The following MDGA1 variants were observed in gnomAD, a reference collection of about 807,000 sequenced individuals.
The protein encoded by MDGA1 is MAM domain-containing glycosylphosphatidylinositol anchor protein 1.
In MDGA1, 54 loss-of-function variants were observed where a neutral mutation model predicts 101.5. That is an observed-to-expected ratio of 0.53 (90% CI 0.43 to 0.67). The LOEUF (loss-of-function observed/expected upper bound fraction) is 0.67, where lower values mean the gene tolerates loss of function less well. MDGA1 is among the 30% of genes least tolerant of loss of function. MDGA1 has a pLI of 0.00. For synonymous variants in MDGA1, 533 were observed against 558.3 expected (o/e 0.95, Z 0.64); for missense variants, 1,083 against 1,323.8 (o/e 0.82, Z 2.82).
At position 37,654,766 on chromosome 6, in the gene MDGA1, T is replaced by C. The variant is rs763168948; in HGVS notation, c.712+34A>G. The C allele has an allele frequency of 4.3e-6, 7 of 1,612,198 alleles. No homozygotes were observed. The South Asian group carries it at 7.7e-5, about 18-fold the overall frequency. ...TCTCCTGGTTGGGAGTTAGCTCAGG[T>C]AGGGAAGGAGTATGGGGAGGAAAAT... is the stretch of plus-strand genomic sequence containing the variant. On this transcript the variant is annotated intron_variant, in intron 5 of 16. Coordinates refer to ENST00000434837, the MANE Select transcript of MDGA1 (RefSeq NM_153487.4).
intron 2 of MDGA1, among the ~76,000 whole-genome samples, chr6:37,663,560 G>C (rs986770142): frequency 1.3e-5 from 2 of 152,206 alleles, no homozygotes; most frequent in African/African-American, 4.8e-5. Context: ...AGCTGCAAAA[G>C]GGGGTCACTA....
intron 1 of MDGA1, among the ~76,000 whole-genome samples, chr6:37,686,813 G>A (rs1762207442): frequency 6.6e-6 from 1 of 152,214 alleles, no homozygotes; most frequent in Non-Finnish European, 1.5e-5. Flanking sequence ...AGAGCACGAA[G>A]ATGAAAGGAG....
Position 37,697,667 on chromosome 6 carries a change from C to CCGCCGTCTGGCG in MDGA1, c.-857_-856insCGCCAGACGGCG, listed in dbSNP as rs1325309755. The stretch of plus-strand genomic sequence containing the variant: ...CGCCTCCGCTCGCCGCGCTCCTCTC[C>CCGCCGTCTGGCG]CGCCGTCTGGCCGCGGCCGTAGCCC... On this transcript the variant is annotated 5_prime_UTR_variant, in exon 1 of 17. Coordinates refer to ENST00000434837, the MANE Select transcript of MDGA1 (RefSeq NM_153487.4). The CCGCCGTCTGGCG allele has an allele frequency of 6.6e-6, 1 of 151,438 alleles. No homozygotes were observed. The highest frequency in any genetic ancestry group is 1.5e-5 in the Non-Finnish European group (1 of 67,844). 9.4% of individuals were successfully genotyped at this position (151,438 alleles called of 1,614,324 possible). A position where few individuals can be genotyped will look rare whatever the true frequency, so the allele number is the denominator to read the frequency against.
intron 1 of MDGA1, among the ~76,000 whole-genome samples, chr6:37,682,153 G>A (rs958919636): frequency 1.3e-5 from 2 of 152,240 alleles, no homozygotes; most frequent in Non-Finnish European, 2.9e-5. Context: ...AGCTTGGTGA[G>A]ACCCTTCACC....
intron 10 of MDGA1, among the ~76,000 whole-genome samples, 152 bp downstream of exon 10, chr6:37,647,021 A>C (rs973852234): frequency 6.6e-6 from 1 of 152,048 alleles, no homozygotes; most frequent in Non-Finnish European, 1.5e-5. Context: ...CTATGTCCAA[A>C]ACTTTTCTCC....
At chr6:37,658,126 C>G in intron 3 of MDGA1, 119 bp downstream of exon 3, 2 of 1,205,484 alleles carry the variant, frequency 1.7e-6, no homozygotes, top group Non-Finnish European at 2.2e-6. Flanking sequence ...GGCTCCTCCA[C>G]CAAGGTCAGC....
At chr6:37,673,872 G>T (rs1460915390) in intron 1 of MDGA1, among the ~76,000 whole-genome samples, 1 of 152,082 alleles carries the variant, frequency 6.6e-6, no homozygotes, top group Non-Finnish European at 1.5e-5. Context: ...TCCAGTTCTG[G>T]TCATTCTCTC....
Position 37,638,390 on chromosome 6 carries a change from C to T in MDGA1, c.2668-77G>A. 2 of 1,508,034 alleles carry T rather than the reference C, an allele frequency of 1.3e-6. No individual in the cohort carries two copies. Among genetic ancestry groups the T allele is most frequent in the Non-Finnish European group, 1.8e-6 (2 of 1,106,496 alleles). The allele number at this position is 1,508,034 out of a possible 1,614,324, so 93.4% of individuals were successfully genotyped here. On this transcript the variant is annotated intron_variant, in intron 15 of 16. Coordinates refer to ENST00000434837, the MANE Select transcript of MDGA1 (RefSeq NM_153487.4). The surrounding 1 kb of genome is among the most constrained non-coding windows in gnomAD (Gnocchi z 4.8). Reference sequence around the variant, plus strand: ...TACCAGAGTGCTCCCTCGACCCCACCTTTCCCCTTAATCTACCTGGAAGTT... The same window carrying T: ...TACCAGAGTGCTCCCTCGACCCCACTTTTCCCCTTAATCTACCTGGAAGTT...
chr6:37,637,567 G>T lies in MDGA1; in HGVS notation c.2777-108C>A, dbSNP rs544124751. On this transcript the variant is annotated intron_variant, in intron 16 of 16. Transcript: ENST00000434837. ...GTTACTCTGCCCACCTCTTTGGAGGGCCTGAGGGTGGGCACTGGCCTCAGT... is the reference window on the plus strand; with the variant it reads ...GTTACTCTGCCCACCTCTTTGGAGGTCCTGAGGGTGGGCACTGGCCTCAGT... 4 of 905,060 alleles carry T rather than the reference G, an allele frequency of 4.4e-6. No homozygotes were observed. The East Asian group carries it at 7.6e-5, about 17-fold the overall frequency. 56.1% of individuals were successfully genotyped at this position (905,060 alleles called of 1,614,324 possible).
chr6:37,688,329 G>A (rs1295288458), intron 1 of MDGA1, among the ~76,000 whole-genome samples: 1 of 152,190 alleles, frequency 6.6e-6, no homozygotes, highest in Non-Finnish European at 1.5e-5. Context: ...AGCTCTCCAG[G>A]TGGTTCTGAC....
chr6:37,652,079 C>T lies in MDGA1; in HGVS notation c.1244G>A (p.Cys415Tyr). 3 of 1,613,372 alleles carry T rather than the reference C, an allele frequency of 1.9e-6. No individual in the cohort carries two copies. The highest frequency in any genetic ancestry group is 2.5e-6 in the Non-Finnish European group (3 of 1,179,800). ...GGGTGCCCCTGGGAAAGAAGCCATG[C>T]ACAGGTAGGTGCCATAGTCACTGAA... is the stretch of plus-strand genomic sequence containing the variant. ...LHFSDYGTYL[C>Y]MASFPGAPVP... The change falls in exon 7 of 17, where the codon TGC (cysteine) becomes TAC (tyrosine). Residue 415 changes from cysteine to tyrosine, a missense_variant. Cys to Tyr is a radical substitution (Grantham distance 194, BLOSUM62 -2). Coordinates refer to ENST00000434837, the MANE Select transcript of MDGA1 (RefSeq NM_153487.4). The surrounding 1 kb of genome is among the most constrained non-coding windows in gnomAD (Gnocchi z 4.3).
rs777904978 is a variant in MDGA1 at position 37,658,400 on chromosome 6, G to A, written c.227C>T (p.Ala76Val). 2 of 1,609,958 alleles carry A rather than the reference G, an allele frequency of 1.2e-6. No homozygotes were observed. Among genetic ancestry groups the A allele is most frequent in the Non-Finnish European group, 1.7e-6 (2 of 1,178,312 alleles). The change falls in exon 3 of 17, where the codon GCA (alanine) becomes GTA (valine). Residue 76 changes from alanine (A) to valine (V), a missense_variant. Ala to Val is a moderately conservative substitution (Grantham distance 64, BLOSUM62 0). Transcript: ENST00000434837. ...CTGGAACTTGTCCGAGGCGCTACCT[G>A]CCGTCTTGGTCCACCGTACCTGGGC... ...PRPQVRWTKT[A>V]GSASDKFQET...
chr6:37,643,810 G>T lies in MDGA1; in HGVS notation c.2535C>A (p.Ile845=). ...AGACTACCTGGCCCCCCAACTCACCGATGTGTTTCCCGTACATGTGGTAGA... is the reference window on the plus strand; with the variant it reads ...AGACTACCTGGCCCCCCAACTCACCTATGTGTTTCCCGTACATGTGGTAGA... ...SFFYHMYGKH[I]GSLNLLVRSR... The change falls in exon 14 of 17, where the codon ATC becomes ATA. Residue 845 remains isoleucine (I), a splice_region_variant and synonymous_variant. Coordinates refer to ENST00000434837, the MANE Select transcript of MDGA1 (RefSeq NM_153487.4). 1 of 1,613,890 alleles carries T rather than the reference G, an allele frequency of 6.2e-7. No individual in the cohort carries two copies. The highest frequency in any genetic ancestry group is 1.3e-5 in the African/African-American group (1 of 75,032).
rs376239882 is a variant in MDGA1 at position 37,638,505 on chromosome 6, C to T, written c.2667+32G>A. 20 of 1,612,160 alleles carry T rather than the reference C, an allele frequency of 1.2e-5. No individual in the cohort carries two copies. The highest frequency in any genetic ancestry group is 8.0e-5 in the African/African-American group (6 of 75,024). On this transcript the variant is annotated intron_variant, in intron 15 of 16. Coordinates refer to ENST00000434837, the MANE Select transcript of MDGA1 (RefSeq NM_153487.4). The surrounding 1 kb of genome is among the most constrained non-coding windows in gnomAD (Gnocchi z 4.8). ...TCCTGGCCACAGCAACCACCGAAGC[C>T]GGGGAGGGTCCTCTGGGCCCTACGG...
intron 2 of MDGA1, among the ~76,000 whole-genome samples, chr6:37,662,361 A>G (rs1203626714): frequency 1.3e-5 from 2 of 152,088 alleles, no homozygotes; most frequent in East Asian, 3.9e-4. Context: ...TAATCTCAGC[A>G]CTTAGGGAGG....
rs116612033 is a variant in MDGA1, at chr6:37,644,723, C to T, written c.2249-74G>A. The T allele has an allele frequency of 3.8e-3, 5,191 of 1,371,144 alleles. 63 individuals carry two copies. The highest frequency in any genetic ancestry group is 0.026 in the Middle Eastern group (135 of 5,224). 84.9% of individuals were successfully genotyped at this position (1,371,144 alleles called of 1,614,324 possible). A position where few individuals can be genotyped will look rare whatever the true frequency, so the allele number is the denominator to read the frequency against. ...TGAGGCCCAGCCTCGCCCCTCTCAC[C>T]CCCCAGAGGCAGCTCCCATGCATCC... On this transcript the variant is annotated intron_variant, in intron 12 of 16. Transcript: ENST00000434837.
chr6:37,683,098 T>C lies in MDGA1; in HGVS notation c.67+13647A>G, dbSNP rs557835320. 1.8e-3 allele frequency among the ~76,000 whole-genome samples: 273 copies of C among 152,322 alleles called. 4 individuals are homozygous for C. The highest frequency in any genetic ancestry group is 1.9e-3 in the Non-Finnish European group (131 of 68,020). ...TTTAAATTCAGTGGGATGGAGAACA[T>C]GGTGCCTCTCCTGGCAATGCCCAAA... is the stretch of plus-strand genomic sequence containing the variant. On this transcript the variant is annotated intron_variant, in intron 1 of 16. Coordinates refer to ENST00000434837, the MANE Select transcript of MDGA1 (RefSeq NM_153487.4).
rs778316770 is a variant in MDGA1 at position 37,696,105 on chromosome 6, T to C, written c.67+640A>G. ...GATGGTGGCTGAATGTATCTGTGTG[T>C]GCGCGCAGGAAGGAAGGTGGGGTTG... On this transcript the variant is annotated intron_variant, in intron 1 of 16. Transcript: ENST00000434837. This position sits in a 1 kb window ranked among gnomAD's most constrained non-coding sequence, Gnocchi z 5.6. Among the ~76,000 whole-genome samples, 18 of 151,562 alleles carry C rather than the reference T, an allele frequency of 1.2e-4. No homozygotes were observed. The highest frequency in any genetic ancestry group is 2.5e-4 in the Non-Finnish European group (17 of 67,936).
intron 1 of MDGA1, among the ~76,000 whole-genome samples, chr6:37,675,792 T>G (rs771566419): frequency 6.6e-6 from 1 of 152,202 alleles, no homozygotes; most frequent in African/African-American, 2.4e-5. Context: ...AGGAAAGTTC[T>G]AGCCCCACCA....
Sources: gnomAD v4.1 joint callset for allele counts (sites outside exome capture counted in the v4.1 genomes callset) on GRCh38, gnomAD v4.1.1 for gene constraint, Gnocchi (gnomAD v3.1) non-coding constraint, MANE v1.5 for transcripts, NCBI Gene and HGNC (gene_info 2026-07-23, HGNC 2026-07-21) for gene names.